ZPLD1: variants seen among roughly 807,000 people sequenced by gnomAD.
ZPLD1 encodes zona pellucida-like domain-containing protein 1.
A neutral mutation model predicts 47.2 loss-of-function variants in ZPLD1; 34 were observed. The observed-to-expected ratio is 0.72, with a 90% CI of 0.55 to 0.96. The LOEUF (loss-of-function observed/expected upper bound fraction) is 0.96, where lower values mean the gene tolerates loss of function less well. Among genes scored for constraint, ZPLD1 ranks in the 40% least tolerant of loss-of-function variants. ZPLD1 has a pLI of 0.00. For missense variants in ZPLD1, 512 were observed against 505.8 expected, an observed-to-expected ratio of 1.01 and a Z score of -0.12; for synonymous variants, 176 against 186.2, an observed-to-expected ratio of 0.95 and a Z score of 0.45.
chr3:102,406,220 T>C (rs1233587211), intron 7 of ZPLD1, among the ~76,000 whole-genome samples: 1 of 151,944 alleles, frequency 6.6e-6, no homozygotes, highest in Non-Finnish European at 1.5e-5. Context: ...TTTGAAACCA[T>C]GCTAATAGAT....
intron 7 of ZPLD1, among the ~76,000 whole-genome samples, chr3:102,414,889 G>C (rs1706787338): frequency 6.6e-6 from 1 of 151,688 alleles, no homozygotes; most frequent in African/African-American, 2.4e-5. Flanking sequence ...CTCTTTTTGT[G>C]GTAAAATAAT....
intron 8 of ZPLD1, among the ~76,000 whole-genome samples, chr3:102,422,290 CT>C (rs1184325633): frequency 1.3e-5 from 2 of 151,854 alleles, no homozygotes; most frequent in Admixed American, 6.6e-5. Flanking sequence ...ATTTTGCCCC[CT>C]AGGAGACATT....
At chr3:102,416,300 C>A (rs994629108) in intron 7 of ZPLD1, among the ~76,000 whole-genome samples, 1 of 151,898 alleles carries the variant, frequency 6.6e-6, no homozygotes, top group Admixed American at 6.6e-5. Context: ...AGCTAACCAA[C>A]TTGTAGGGTA....
intron 8 of ZPLD1, among the ~76,000 whole-genome samples, chr3:102,424,367 A>T (rs1046568597): frequency 6.6e-6 from 1 of 152,114 alleles, no homozygotes; most frequent in Admixed American, 6.6e-5. Flanking sequence ...AATGTCCTAT[A>T]TCTATTCCCT....
chr3:102,429,626 G>T (rs1387279270), intron 8 of ZPLD1, among the ~76,000 whole-genome samples: 4 of 152,104 alleles, frequency 2.6e-5, no homozygotes, highest in Admixed American at 6.5e-5. Flanking sequence ...TGAATTAATT[G>T]TAACTTTCTT....
At position 102,443,539 on chromosome 3, in the gene ZPLD1, G is replaced by A. The variant is rs542382457; in HGVS notation, c.106+4946G>A. ...GGAGATTCTCAATGGAAATTGCCAC[G>A]TCTAAGGATCTGAAAAGTCATGTGT... On this transcript the variant is annotated intron_variant, in intron 3 of 11. Coordinates refer to ENST00000466937, the MANE Select transcript of ZPLD1 (RefSeq NM_001329788.2). 5.9e-5 allele frequency among the ~76,000 whole-genome samples: 9 copies of A among 152,232 alleles called. No homozygotes were observed. The South Asian group carries it at 8.3e-4, about 14-fold the overall frequency.
intron 6 of ZPLD1, among the ~76,000 whole-genome samples, chr3:102,388,437 C>T (rs985827697): frequency 5.0e-5 from 7 of 139,156 alleles, no homozygotes; most frequent in Non-Finnish European, 9.6e-5. Context: ...GAGTCTCTCT[C>T]TCTCTCTCTC....
At chr3:102,465,060 C>T (rs2107349395) in intron 8 of ZPLD1, among the ~76,000 whole-genome samples, 1 of 152,308 alleles carries the variant, frequency 6.6e-6, no homozygotes, top group Non-Finnish European at 1.5e-5. Context: ...GTTATTCTTA[C>T]ATATCCTATT....
chr3:102,422,152 A>G (rs1706887509), intron 8 of ZPLD1, among the ~76,000 whole-genome samples: 1 of 152,020 alleles, frequency 6.6e-6, no homozygotes, highest in African/African-American at 2.4e-5. Flanking sequence ...TTTAACAAAC[A>G]TTACTTGAAA....
At chr3:102,438,721 G>T in intron 3 of ZPLD1, 128 bp downstream of exon 3, 1 of 581,848 alleles carries the variant, frequency 1.7e-6, no homozygotes, top group South Asian at 2.8e-5. Flanking sequence ...TTAACAAATG[G>T]CAAATGACAA....
intron 3 of ZPLD1, 25 bp downstream of exon 3, chr3:102,438,618 C>G: frequency 1.3e-6 from 2 of 1,540,882 alleles, no homozygotes; most frequent in African/African-American, 1.4e-5. Flanking sequence ...AATCTATTCT[C>G]TAGTTGTTTC....
chr3:102,407,392 AATAT>A (rs63183460), intron 7 of ZPLD1, among the ~76,000 whole-genome samples: 2,011 of 37,532 alleles, frequency 0.054, 37 homozygotes, highest in Non-Finnish European at 0.085. Context: ...TTGATTTTCA[AATAT>A]ATATATATAT....
chr3:102,450,203 A>G (rs1257085819), intron 3 of ZPLD1, among the ~76,000 whole-genome samples: 3 of 152,108 alleles, frequency 2.0e-5, no homozygotes, highest in Admixed American at 6.6e-5. Context: ...GCACTGATAC[A>G]TGTACTTTGT....
At chr3:102,396,268 T>C (rs1706556395) in intron 7 of ZPLD1, among the ~76,000 whole-genome samples, 1 of 152,292 alleles carries the variant, frequency 6.6e-6, no homozygotes, top group Middle Eastern at 3.4e-3. Flanking sequence ...GCATTACCTG[T>C]TTGTAACAGT....
intron 10 of ZPLD1, among the ~76,000 whole-genome samples, chr3:102,472,538 A>G (rs1244998427): frequency 2.0e-5 from 3 of 152,102 alleles, no homozygotes; most frequent in Non-Finnish European, 4.4e-5. Context: ...TCTCAAAAAA[A>G]AAAAAAAAAA....
intron 7 of ZPLD1, among the ~76,000 whole-genome samples, chr3:102,409,193 G>A (rs979547137): frequency 9.9e-5 from 15 of 151,818 alleles, no homozygotes; most frequent in African/African-American, 3.6e-4. Context: ...ACATGGTGAG[G>A]AAGAGCAGGT....
intron 2 of ZPLD1, among the ~76,000 whole-genome samples, chr3:102,437,791 C>T (rs534721790): frequency 1.7e-4 from 26 of 152,266 alleles, no homozygotes; most frequent in Non-Finnish European, 3.2e-4. Flanking sequence ...AAGAATTCAA[C>T]GTTTTCTTAT....
At chr3:102,434,555 T>C (rs973792800), upstream of ZPLD1, among the ~76,000 whole-genome samples, 8 of 152,192 alleles carry the variant, frequency 5.3e-5, no homozygotes, top group Admixed American at 2.0e-4. Context: ...AACATTTTAC[T>C]TATAATCCTC....
At chr3:102,433,808 C>T (rs1576144074), upstream of ZPLD1, among the ~76,000 whole-genome samples, 1 of 152,164 alleles carries the variant, frequency 6.6e-6, no homozygotes, top group East Asian at 1.9e-4. Flanking sequence ...AGATTATAGG[C>T]GTGAGCCACC....
Sources: allele counts gnomAD v4.1 joint callset (sites outside exome capture counted in the v4.1 genomes callset), GRCh38; gene constraint gnomAD v4.1.1; transcripts MANE v1.5; gene names NCBI Gene and HGNC (gene_info 2026-07-23, HGNC 2026-07-21).